The following PDZD2 variants were observed in gnomAD, a reference collection of about 807,000 sequenced individuals.
PDZD2 encodes the protein PDZ domain containing 2, also known as PDZ domain-containing protein 2.
PDZD2 carries 90 observed loss-of-function variants against 220.7 expected under a neutral mutation model. The observed-to-expected ratio is 0.41, with a 90% confidence interval of 0.34 to 0.49. PDZD2 has a LOEUF of 0.49. PDZD2 is among the 20% of genes least tolerant of loss of function. PDZD2 has a pLI of 0.28. For missense variants in PDZD2, 3,174 were observed against 3,608.5 expected, an observed-to-expected ratio of 0.88 and a Z score of 3.08; for synonymous variants, 1,375 against 1,450.5, an observed-to-expected ratio of 0.95 and a Z score of 1.18.
chr5:31,667,045 G>A (rs536260318), intron 1 of PDZD2, among the ~76,000 whole-genome samples: 24 of 152,070 alleles, frequency 1.6e-4, no homozygotes, highest in African/African-American at 5.8e-4. Context: ...GACCATCCTG[G>A]CTAACACGGT....
chr5:32,003,354 ACAC>A (rs1752505193), intron 5 of PDZD2, among the ~76,000 whole-genome samples: 2 of 65,264 alleles, frequency 3.1e-5, no homozygotes, highest in East Asian at 4.6e-4. Flanking sequence ...CACACACCAC[ACAC>A]CACACCACAC....
chr5:31,749,718 G>A (rs755402831), intron 1 of PDZD2, among the ~76,000 whole-genome samples: 11 of 152,122 alleles, frequency 7.2e-5, no homozygotes, highest in Non-Finnish European at 1.5e-5. Flanking sequence ...CTCCGCACCC[G>A]GCTGTGACGG....
intron 1 of PDZD2, among the ~76,000 whole-genome samples, chr5:31,705,677 C>A (rs1326676800): frequency 6.6e-6 from 1 of 151,994 alleles, no homozygotes; most frequent in African/African-American, 2.4e-5. Context: ...AGACACAGGA[C>A]AATAAATATT....
At chr5:32,053,689 A>C in intron 9 of PDZD2, 80 bp from the exon 10 acceptor site, 1 of 824,246 alleles carries the variant, frequency 1.2e-6, no homozygotes, top group Non-Finnish European at 2.1e-6. Context: ...AGATGCCTTC[A>C]GTTAAATACT....
chr5:32,104,208 T>TTATC (rs1471159514), intron 24 of PDZD2, among the ~76,000 whole-genome samples: 3 of 152,124 alleles, frequency 2.0e-5, no homozygotes, highest in Non-Finnish European at 4.4e-5. Context: ...AGGATTCACC[T>TTATC]TATCTCGTAT....
At chr5:31,836,459 C>T (rs1209186627) in intron 2 of PDZD2, among the ~76,000 whole-genome samples, 1 of 151,940 alleles carries the variant, frequency 6.6e-6, no homozygotes, top group African/African-American at 2.4e-5. Flanking sequence ...AACTCCTGAC[C>T]TCAAGTGAGC....
chr5:31,721,843 G>T (rs1748820229), intron 1 of PDZD2, among the ~76,000 whole-genome samples: 1 of 152,070 alleles, frequency 6.6e-6, no homozygotes, highest in African/African-American at 2.4e-5. Flanking sequence ...TAATGGCGGA[G>T]ATCGGTTTAC....
rs1189746327 is a variant in PDZD2 at position 32,010,802 on chromosome 5, C to T, written c.1407+320C>T. 3.2e-5 allele frequency: 12 copies of T among 380,770 alleles called. No homozygotes were observed. The East Asian group carries it at 8.6e-4, about 27-fold the overall frequency. 23.6% of individuals were successfully genotyped at this position (380,770 alleles called of 1,614,324 possible). On this transcript the variant is annotated intron_variant, in intron 6 of 24. Transcript: ENST00000438447. ...CCTGAGGTCAGGAGTTCAAGACCAG[C>T]CTGGCCAACATGATGAAACCTAGTC...
chr5:31,689,922 G>C (rs1038907787), intron 1 of PDZD2, among the ~76,000 whole-genome samples: 1 of 152,130 alleles, frequency 6.6e-6, no homozygotes. Flanking sequence ...CCTTAGGAAG[G>C]AGAAAGAGAA....
intron 19 of PDZD2, among the ~76,000 whole-genome samples, chr5:32,086,608 T>C (rs891722145): frequency 2.2e-4 from 34 of 152,164 alleles, no homozygotes; most frequent in African/African-American, 8.0e-4. Context: ...TCTATAATTT[T>C]AGAGAGAAAA....
At chr5:31,871,305 A>G (rs955863067) in intron 2 of PDZD2, among the ~76,000 whole-genome samples, 15 of 152,312 alleles carry the variant, frequency 9.8e-5, no homozygotes, top group African/African-American at 3.1e-4. Context: ...ATAGTAGAGG[A>G]TCACCTGTAT....
intron 1 of PDZD2, among the ~76,000 whole-genome samples, chr5:31,773,182 C>T (rs542731522): frequency 6.6e-6 from 1 of 152,328 alleles, no homozygotes; most frequent in Non-Finnish European, 1.5e-5. Context: ...TACTTTCCTG[C>T]AGAGACCATA....
At chr5:31,820,151 TG>T (rs1351718356) in intron 2 of PDZD2, among the ~76,000 whole-genome samples, 1 of 152,190 alleles carries the variant, frequency 6.6e-6, no homozygotes, top group Non-Finnish European at 1.5e-5. Context: ...CTGGGATACT[TG>T]ATATGACTGG....
chr5:31,860,618 C>T (rs909963470), intron 2 of PDZD2, among the ~76,000 whole-genome samples: 22 of 152,124 alleles, frequency 1.4e-4, no homozygotes, highest in East Asian at 3.9e-4. Flanking sequence ...GGTGCCCACT[C>T]GGGGCCACAT....
At chr5:32,079,269 CAAAAAA>C (rs796887034) in intron 19 of PDZD2, among the ~76,000 whole-genome samples, 15 of 82,814 alleles carry the variant, frequency 1.8e-4, no homozygotes, top group African/African-American at 8.2e-4. Context: ...AAAAAAAAAA[CAAAAAA>C]AAAACAAAAA....
chr5:31,953,076 AAG>A (rs1747325487), intron 2 of PDZD2, among the ~76,000 whole-genome samples: 1 of 151,554 alleles, frequency 6.6e-6, no homozygotes, highest in Non-Finnish European at 1.5e-5. Flanking sequence ...AAAAAAAAAA[AAG>A]AAAGAAAAAT....
At chr5:32,013,460 T>G (rs1446902810) in intron 6 of PDZD2, among the ~76,000 whole-genome samples, 2 of 152,112 alleles carry the variant, frequency 1.3e-5, no homozygotes, top group African/African-American at 4.8e-5. Context: ...AAACATTATC[T>G]TTAGAAAAGT....
chr5:32,003,344 CA>C (rs1289173659), intron 5 of PDZD2, among the ~76,000 whole-genome samples: 2 of 32,202 alleles, frequency 6.2e-5, no homozygotes, highest in Admixed American at 3.5e-4. Context: ...CCACACCACA[CA>C]CACACCACAC....
chr5:32,034,147 T>G (rs992747252), intron 6 of PDZD2, among the ~76,000 whole-genome samples: 13 of 152,114 alleles, frequency 8.5e-5, no homozygotes, highest in African/African-American at 2.9e-4. Flanking sequence ...GAAAACTTCC[T>G]AAGTCCAGAA....
Sources: gnomAD v4.1 joint callset for allele counts (sites outside exome capture counted in the v4.1 genomes callset) on GRCh38, gnomAD v4.1.1 for gene constraint, MANE v1.5 for transcripts, NCBI Gene and HGNC (gene_info 2026-07-23, HGNC 2026-07-21) for gene names.